Variants in DENND5B observed in about 807,000 individuals in gnomAD.
The protein encoded by DENND5B is DENN domain-containing protein 5B.
In DENND5B, 34 loss-of-function variants were observed where a neutral mutation model predicts 140.6. The ratio of observed to expected loss-of-function variants is 0.24; its 90% CI spans 0.18 to 0.32. The LOEUF is 0.32. Among genes scored for constraint, DENND5B ranks in the 10% least tolerant of loss-of-function variants. The probability of loss-of-function intolerance (pLI) is 1.00; values close to 1 mark genes in which losing one functional copy is unlikely to be tolerated. For missense variants in DENND5B, 1,142 were observed against 1,560.2 expected, an observed-to-expected ratio of 0.73 and a Z score of 4.52; for synonymous variants, 551 against 562.1, an observed-to-expected ratio of 0.98 and a Z score of 0.28.
intron 14 of DENND5B, among the ~76,000 whole-genome samples, chr12:31,404,259 A>C (rs756987981): frequency 5.3e-5 from 8 of 152,094 alleles, no homozygotes; most frequent in Non-Finnish European, 7.4e-5. Flanking sequence ...TAAGCACATA[A>C]GCATTTTTGT....
rs1950601250 is a variant in DENND5B, at chr12:31,590,990, T to C, written c.-158A>G. 3.6e-6 allele frequency: 3 copies of C among 835,244 alleles called. No individual in the cohort carries two copies. The highest frequency in any genetic ancestry group is 5.5e-4 in the Middle Eastern group (1 of 1,812). 51.7% of individuals were successfully genotyped at this position (835,244 alleles called of 1,614,324 possible). ...CCGCCTCTCGCCGCCGCAGCCTGCC[T>C]CCTCGCTCGGCGCGGGGGAAGCGGC... On this transcript the variant is annotated 5_prime_UTR_variant, in exon 1 of 21. Coordinates refer to ENST00000389082, the MANE Select transcript of DENND5B (RefSeq NM_144973.4).
intron 3 of DENND5B, among the ~76,000 whole-genome samples, 164 bp downstream of exon 3, chr12:31,479,425 A>G (rs1026795371): frequency 6.6e-5 from 10 of 152,242 alleles, no homozygotes; most frequent in Admixed American, 1.3e-4. Flanking sequence ...AAAGAGAAAC[A>G]GCAGTCTCAT....
In DENND5B at chr12:31,452,127, T is replaced by C. The variant is rs1265653635; in HGVS notation, c.1442A>G (p.Asp481Gly). The C allele has an allele frequency of 1.9e-6, 3 of 1,613,926 alleles. No homozygotes were observed. The highest frequency in any genetic ancestry group is 2.5e-6 in the Non-Finnish European group (3 of 1,179,916). ...MDLSASLGEK[D>G]KDLKLHCEEA... ...TTCACAATGCAGTTTTAAATCCTTG[T>C]CTTTTTCACCCAGAGAAGCAGAGAG... is the stretch of plus-strand genomic sequence containing the variant. Residue 481 changes from aspartate to glycine, a missense_variant, in exon 5 of 21, where the codon GAC becomes GGC. Physicochemically the swap from Asp to Gly is moderately conservative, Grantham distance 94. This residue lies in a region of DENND5B where 708 missense variants were observed against 905.5 expected (regional missense o/e 0.78). Transcript: ENST00000389082.
At chr12:31,414,883 C>T (rs990727148) in intron 12 of DENND5B, among the ~76,000 whole-genome samples, 4 of 149,624 alleles carry the variant, frequency 2.7e-5, no homozygotes, top group African/African-American at 7.4e-5. Context: ...GATCACGACA[C>T]TGCACTCCAG....
chr12:31,396,594 A>C (rs1461458770), intron 17 of DENND5B: 1 of 152,532 alleles, frequency 6.6e-6, no homozygotes, highest in Non-Finnish European at 1.5e-5. Context: ...GCAATGTTTT[A>C]AATAAAACTA....
chr12:31,589,367 G>C (rs757377604), intron 1 of DENND5B, among the ~76,000 whole-genome samples: 22 of 151,926 alleles, frequency 1.4e-4, no homozygotes, highest in African/African-American at 5.3e-4. Flanking sequence ...GGAAAAACTT[G>C]GTATTCTATT....
intron 1 of DENND5B, among the ~76,000 whole-genome samples, chr12:31,523,832 T>C (rs1150951): frequency 0.078 from 11,805 of 152,268 alleles, 1,043 homozygotes; most frequent in African/African-American, 0.22. Context: ...AGAATAGATC[T>C]TGAATCCTAA....
chr12:31,440,888 A>C (rs1225688678), intron 7 of DENND5B, among the ~76,000 whole-genome samples: 2 of 152,166 alleles, frequency 1.3e-5, no homozygotes, highest in Non-Finnish European at 2.9e-5. Context: ...GGCATGCACC[A>C]CCACACCCAG....
intron 1 of DENND5B, among the ~76,000 whole-genome samples, chr12:31,547,466 T>G (rs1264663489): frequency 6.6e-6 from 1 of 152,168 alleles, no homozygotes; most frequent in East Asian, 1.9e-4. Flanking sequence ...TGGCACAATC[T>G]TGGCTCACTG....
intron 19 of DENND5B, 57 bp downstream of exon 19, chr12:31,392,210 T>C: frequency 6.3e-7 from 1 of 1,598,974 alleles, no homozygotes; most frequent in Non-Finnish European, 8.5e-7. Flanking sequence ...CCTGGGTCTT[T>C]GAGTTCCTAA....
chr12:31,413,296 C>T, intron 13 of DENND5B, 140 bp downstream of exon 13: 1 of 1,065,452 alleles, frequency 9.4e-7, no homozygotes, highest in Non-Finnish European at 1.3e-6. Context: ...TTTCAAAGCA[C>T]ACGCCTGTTA....
At position 31,479,641 on chromosome 12, in the gene DENND5B, C is replaced by T. The variant is rs558835450; in HGVS notation, c.852G>A (p.Val284=). The change falls in exon 3 of 21, where the codon GTG becomes GTA. Residue 284 remains valine (V), a synonymous_variant. Transcript: ENST00000389082. The part of the protein sequence containing the change: ...AFELLGLENL[V]QVFTCVLLEM... ...CTAAAAGAACACAGGTAAACACCTG[C>T]ACCAGGTTCTCTAATCCCAGGAGCT... 4 of 1,544,752 alleles carry T rather than the reference C, an allele frequency of 2.6e-6. No homozygotes were observed. The highest frequency in any genetic ancestry group is 4.1e-5 in the Admixed American group (2 of 48,746).
intron 1 of DENND5B, among the ~76,000 whole-genome samples, chr12:31,586,826 T>C (rs1045862416): frequency 2.0e-5 from 3 of 152,200 alleles, no homozygotes; most frequent in Non-Finnish European, 4.4e-5. Context: ...GAAAGTGTGA[T>C]AAAGACAGAT....
Position 31,447,537 on chromosome 12 carries a change from C to T in DENND5B, c.1861+1G>A. 1 of 1,600,642 alleles carries T rather than the reference C, an allele frequency of 6.2e-7. No homozygotes were observed. The highest frequency in any genetic ancestry group is 8.5e-7 in the Non-Finnish European group (1 of 1,172,478). ...TAATTTAAAAGGCATGGCAAATGTA[C>T]CTGCTTCTTTTAAAGTGCTGCATTT... On this transcript the variant is annotated splice_donor_variant, in intron 6 of 20. Coordinates refer to ENST00000389082, the MANE Select transcript of DENND5B (RefSeq NM_144973.4). LOFTEE classifies it high-confidence loss of function.
At position 31,590,856 on chromosome 12, in the gene DENND5B, C is replaced by G. The variant is rs1180619089; in HGVS notation, c.-24G>C. 8.5e-7 allele frequency: 1 copy of G among 1,183,134 alleles called. No homozygotes were observed. Among genetic ancestry groups the G allele is most frequent in the South Asian group, 4.1e-5 (1 of 24,374 alleles). The allele number at this position is 1,183,134 out of a possible 1,614,324, so 73.3% of individuals were successfully genotyped here. On this transcript the variant is annotated 5_prime_UTR_variant, in exon 1 of 21. Transcript: ENST00000389082. ...ATCCCGGCCGCGCTGCTCCAGGGGC[C>G]GCCGCCGCCGCCGCCCGGGAAGGCT...
chr12:31,397,336 C>G (rs1223982796), intron 17 of DENND5B, among the ~76,000 whole-genome samples: 1 of 151,868 alleles, frequency 6.6e-6, no homozygotes, highest in Non-Finnish European at 1.5e-5. Flanking sequence ...ATCTCAAGGT[C>G]AAGAGATTGA....
At chr12:31,528,688 T>C (rs972810838) in intron 1 of DENND5B, among the ~76,000 whole-genome samples, 2 of 152,148 alleles carry the variant, frequency 1.3e-5, no homozygotes, top group African/African-American at 2.4e-5. Flanking sequence ...AAAGGGAAGA[T>C]TACATTTCTG....
chr12:31,452,152 G>A lies in DENND5B; in HGVS notation c.1417C>T (p.Leu473Phe), dbSNP rs1238322456. ...RTGVAVEKMD[L>F]SASLGEKDKD... ...TCTTTTTCACCCAGAGAAGCAGAGA[G>A]GTCCATTTTTTCCACAGCCACACCA... Residue 473 changes from leucine (L) to phenylalanine (F), a missense_variant, in exon 5 of 21, where the codon CTC becomes TTC. By Grantham distance (22) the Leu-to-Phe change is conservative. Transcript: ENST00000389082. 6.2e-7 allele frequency: 1 copy of A among 1,613,844 alleles called. No homozygotes were observed. The highest frequency in any genetic ancestry group is 8.5e-7 in the Non-Finnish European group (1 of 1,179,904).
intron 14 of DENND5B, among the ~76,000 whole-genome samples, chr12:31,403,945 G>A (rs1388598738): frequency 6.6e-5 from 10 of 150,488 alleles, no homozygotes; most frequent in Non-Finnish European, 8.9e-5. Flanking sequence ...GGCCAGGCAC[G>A]GGGGCTCATG....
Sources: allele counts gnomAD v4.1 joint callset (sites outside exome capture counted in the v4.1 genomes callset), GRCh38; gene constraint gnomAD v4.1.1; regional missense constraint gnomAD v4.1.1; transcripts MANE v1.5; gene names NCBI Gene and HGNC (gene_info 2026-07-23, HGNC 2026-07-21).